Variants in NEK9 observed in about 807,000 individuals in gnomAD.
The protein encoded by NEK9 is serine/threonine-protein kinase Nek9.
In NEK9, 75 loss-of-function variants were observed where a neutral mutation model predicts 123.4. The ratio of observed to expected loss-of-function variants is 0.61; its 90% CI spans 0.50 to 0.74. The LOEUF (loss-of-function observed/expected upper bound fraction) is 0.74. Among genes scored for constraint, NEK9 ranks in the 30% least tolerant of loss-of-function variants. NEK9 has a pLI of 0.00. For missense variants in NEK9, 952 were observed against 1,214.4 expected (o/e 0.78, Z 3.21); for synonymous variants, 438 against 458.7 (o/e 0.95, Z 0.58).
In NEK9 at chr14:75,110,015, T is replaced by C. The variant is rs571044708; in HGVS notation, c.990-138A>G. The C allele has an allele frequency of 4.4e-6, 4 of 907,220 alleles. No homozygotes were observed. In the East Asian group the frequency reaches 7.9e-5, roughly 18 times the overall value. 56.2% of individuals were successfully genotyped at this position (907,220 alleles called of 1,614,324 possible). A position where few individuals can be genotyped will look rare whatever the true frequency, so the allele number is the denominator to read the frequency against. ...GTTCTTTCTCGACAACTTGTTTCAATGTGCTCTATCACAGCAGACTTTGCA... is the reference window on the plus strand; with the variant it reads ...GTTCTTTCTCGACAACTTGTTTCAACGTGCTCTATCACAGCAGACTTTGCA... On this transcript the variant is annotated intron_variant, in intron 9 of 21. Coordinates refer to ENST00000238616, the MANE Select transcript of NEK9 (RefSeq NM_033116.6).
At chr14:75,120,484 C>G in intron 4 of NEK9, 26 bp downstream of exon 4, 1 of 1,538,786 alleles carries the variant, frequency 6.5e-7, no homozygotes, top group Non-Finnish European at 9.0e-7. Context: ...GGGAAGAATC[C>G]ATCCATAATT....
At chr14:75,104,627 C>T (rs1393694475) in intron 13 of NEK9, among the ~76,000 whole-genome samples, 2 of 151,560 alleles carry the variant, frequency 1.3e-5, no homozygotes, top group African/African-American at 2.4e-5. Flanking sequence ...GGATTAAAGG[C>T]GTGTGCCACC....
At chr14:75,101,858 G>C in intron 14 of NEK9, 93 bp from the exon 15 acceptor site, 1 of 812,018 alleles carries the variant, frequency 1.2e-6, no homozygotes, top group Non-Finnish European at 2.1e-6. Flanking sequence ...GTGACCAAAA[G>C]GCCTTTCAAG....
At chr14:75,105,117 G>A (rs1894725668) in intron 13 of NEK9, among the ~76,000 whole-genome samples, 1 of 152,238 alleles carries the variant, frequency 6.6e-6, no homozygotes, top group Non-Finnish European at 1.5e-5. Context: ...TGGAGAAGGT[G>A]GGGTGATGCA....
At position 75,126,819 on chromosome 14, in the gene NEK9, T is replaced by G; in HGVS notation, c.103A>C (p.Ser35Arg). 6.5e-7 allele frequency: 1 copy of G among 1,533,478 alleles called. No individual in the cohort carries two copies. Among genetic ancestry groups the G allele is most frequent in the African/African-American group, 1.4e-5 (1 of 70,460 alleles). 95.0% of individuals were successfully genotyped at this position (1,533,478 alleles called of 1,614,324 possible). A position where few individuals can be genotyped will look rare whatever the true frequency, so the allele number is the denominator to read the frequency against. ...CCGCCGCCGGCTCGCGGCCCCTGAC[T>G]GGCGCTAGGCCCCGGACTCGAGTCC... The part of the protein sequence containing the change: ...CGDSSPGPSA[S>R]QGPRAGGGAA... The change falls in exon 1 of 22, where the codon AGT (serine) becomes CGT (arginine). Residue 35 changes from serine to arginine, a missense_variant. Physicochemically the swap from Ser to Arg is moderately radical, Grantham distance 110. Around this residue, in one of 4 missense-constraint regions of NEK9, gnomAD observed 120 missense variants for 97.6 expected, o/e 1.23. Transcript: ENST00000238616.
chr14:75,120,678 A>G (rs1006692904), intron 3 of NEK9, 98 bp from the exon 4 acceptor site: 3 of 883,390 alleles, frequency 3.4e-6, no homozygotes, highest in South Asian at 3.1e-5. Context: ...AACTGCAACC[A>G]GAAGTTATGA....
chr14:75,109,389 C>T (rs1894885891), intron 10 of NEK9, among the ~76,000 whole-genome samples: 1 of 152,152 alleles, frequency 6.6e-6, no homozygotes, highest in African/African-American at 2.4e-5. Context: ...AGTGACTTGT[C>T]TGAAATCATC....
At chr14:75,118,977 T>C in intron 4 of NEK9, 42 bp from the exon 5 acceptor site, 4 of 1,094,984 alleles carry the variant, frequency 3.7e-6, no homozygotes, top group Non-Finnish European at 5.6e-6. Flanking sequence ...ACACAGATAA[T>C]TGTTTTATTT....
In NEK9 at chr14:75,124,127, G is replaced by C; in HGVS notation, c.316C>G (p.Leu106Val). 6.2e-7 allele frequency: 1 copy of C among 1,613,976 alleles called. No homozygotes were observed. The highest frequency in any genetic ancestry group is 8.5e-7 in the Non-Finnish European group (1 of 1,179,862). ...TAGGCAATAATGTTGTCGTGCTGCA[G>C]CAGTGCCAGAATAACAATCTCATTC... ...ALNEIVILAL[L>V]QHDNIIAYYN... is the part of the protein sequence containing the mutation. The change falls in exon 2 of 22, where the codon CTG becomes GTG. Residue 106 changes from leucine to valine, a missense_variant. Transcript: ENST00000238616.
chr14:75,087,333 A>G, intron 20 of NEK9, 103 bp from the exon 21 acceptor site: 1 of 787,746 alleles, frequency 1.3e-6, no homozygotes, highest in East Asian at 2.7e-5. Flanking sequence ...TTAAATTAAC[A>G]AGATAAATCA....
At position 75,106,500 on chromosome 14, in the gene NEK9, A is replaced by G. The variant is rs145329238; in HGVS notation, c.1528+2T>C. ...AGTGGACAGAGACAAGGCTACCCCT[A>G]CCATATTCGCCACAGCCCCAAGAAT... On this transcript the variant is annotated splice_donor_variant, in intron 12 of 21. Transcript: ENST00000238616. LOFTEE classifies it high-confidence loss of function. The G allele has an allele frequency of 2.5e-5, 41 of 1,613,774 alleles. No homozygotes were observed. Among genetic ancestry groups the G allele is most frequent in the Non-Finnish European group, 3.3e-5 (39 of 1,179,938 alleles).
At chr14:75,113,726 G>A (rs1044188431) in intron 7 of NEK9, among the ~76,000 whole-genome samples, 12 of 152,080 alleles carry the variant, frequency 7.9e-5, no homozygotes, top group African/African-American at 1.7e-4. Context: ...GATTGAGTTC[G>A]TCTGGGGTGG....
At chr14:75,110,730 G>C (rs537527292) in intron 8 of NEK9, among the ~76,000 whole-genome samples, 1 of 151,942 alleles carries the variant, frequency 6.6e-6, no homozygotes, top group East Asian at 1.9e-4. Flanking sequence ...CCAAATATGA[G>C]CTTGTTAGCT....
chr14:75,109,282 G>A (rs1281273495), intron 10 of NEK9, among the ~76,000 whole-genome samples: 2 of 152,182 alleles, frequency 1.3e-5, no homozygotes, highest in Non-Finnish European at 2.9e-5. Context: ...GTGGGCTTCA[G>A]GGGTTTCCTG....
chr14:75,117,816 G>C (rs1263019386), intron 5 of NEK9, among the ~76,000 whole-genome samples: 2 of 152,124 alleles, frequency 1.3e-5, no homozygotes, highest in Non-Finnish European at 2.9e-5. Context: ...AATTTCCTTT[G>C]AATTTGAAAA....
Position 75,106,626 on chromosome 14 carries a change from C to A in NEK9, c.1404G>T (p.Val468=). 1 of 1,614,088 alleles carries A rather than the reference C, an allele frequency of 6.2e-7. No individual in the cohort carries two copies. The highest frequency in any genetic ancestry group is 8.5e-7 in the Non-Finnish European group (1 of 1,180,028). ...MGVDKVAGPE[V]LEPMQLNFFL... ...AGAAGTTCAGCTGCATGGGTTCTAG[C>A]ACTTCAGGGCCAGCAACTTTGTCCA... Residue 468 remains valine, a synonymous_variant, in exon 12 of 22, where the codon GTG becomes GTT. Transcript: ENST00000238616.
rs1895427801 is a variant in NEK9, at chr14:75,123,973, A to G, written c.397+73T>C. Reference sequence around the variant, plus strand: ...TTTATCACTGTATATGTCTCTTCTTATATTCTTCTCCTCAACGTAATTATG... The same window carrying G: ...TTTATCACTGTATATGTCTCTTCTTGTATTCTTCTCCTCAACGTAATTATG... On this transcript the variant is annotated intron_variant, in intron 2 of 21. Transcript: ENST00000238616. 3 of 1,280,496 alleles carry G rather than the reference A, an allele frequency of 2.3e-6. No individual in the cohort carries two copies. In the East Asian group the frequency reaches 7.0e-5, roughly 30 times the overall value. The allele number at this position is 1,280,496 out of a possible 1,614,324, so 79.3% of individuals were successfully genotyped here. A position where few individuals can be genotyped will look rare whatever the true frequency, so the allele number is the denominator to read the frequency against.
At chr14:75,121,738 C>A (rs1257496085) in intron 2 of NEK9, among the ~76,000 whole-genome samples, 4 of 152,184 alleles carry the variant, frequency 2.6e-5, no homozygotes, top group Non-Finnish European at 5.9e-5. Context: ...GTGGTCCCAG[C>A]TAATCAGGAG....
chr14:75,103,950 A>G lies in NEK9; in HGVS notation c.1623T>C (p.Cys541=), dbSNP rs746864086. Residue 541 remains cysteine (C), a synonymous_variant, in exon 14 of 22, where the codon TGT becomes TGC. Coordinates refer to ENST00000238616, the MANE Select transcript of NEK9 (RefSeq NM_033116.6). Reference sequence around the variant, plus strand: ...ACTGGGTCAACAGAAATGTCCCATCACAGCCACATTGAACTGCAACAATAA... The same window carrying G: ...ACTGGGTCAACAGAAATGTCCCATCGCAGCCACATTGAACTGCAACAATAA... The part of the protein sequence containing the change: ...ALIIVAVQCG[C]DGTFLLTQSG... 1 of 1,613,654 alleles carries G rather than the reference A, an allele frequency of 6.2e-7. No homozygotes were observed. Among genetic ancestry groups the G allele is most frequent in the African/African-American group, 1.3e-5 (1 of 74,920 alleles).
Sources: allele counts gnomAD v4.1 joint callset (sites outside exome capture counted in the v4.1 genomes callset), GRCh38; gene constraint gnomAD v4.1.1; regional missense constraint gnomAD v4.1.1; transcripts MANE v1.5; gene names NCBI Gene and HGNC (gene_info 2026-07-23, HGNC 2026-07-21).